Variants in FBXL17 observed in about 807,000 individuals in gnomAD.
FBXL17 encodes the protein F-box and leucine rich repeat protein 17, also known as F-box/LRR-repeat protein 17.
Under a neutral mutation model 66.2 loss-of-function variants are expected in FBXL17, and 22 were observed. The observed-to-expected ratio is 0.33, with a 90% CI of 0.24 to 0.47. The LOEUF (loss-of-function observed/expected upper bound fraction) is 0.47. Among genes scored for constraint, FBXL17 ranks in the 20% least tolerant of loss-of-function variants. The probability of loss-of-function intolerance (pLI) is 1.00; values close to 1 mark genes in which losing one functional copy is unlikely to be tolerated. For synonymous variants in FBXL17, 474 were observed against 400.5 expected (o/e 1.18, Z -2.19); for missense variants, 878 against 948.2 (o/e 0.93, Z 0.97).
At chr5:108,135,771 T>C (rs1162590815) in intron 6 of FBXL17, among the ~76,000 whole-genome samples, 1 of 152,150 alleles carries the variant, frequency 6.6e-6, no homozygotes, top group African/African-American at 2.4e-5. Flanking sequence ...AAGATGGTTA[T>C]TTCCTCTCCA....
chr5:108,029,066 G>A (rs1580348114), intron 6 of FBXL17, among the ~76,000 whole-genome samples: 1 of 152,124 alleles, frequency 6.6e-6, no homozygotes, highest in East Asian at 1.9e-4. Context: ...TCATAACCAG[G>A]AAGCCTGCAC....
chr5:108,342,616 TAGAGA>T (rs929383544), intron 4 of FBXL17, among the ~76,000 whole-genome samples: 5 of 152,160 alleles, frequency 3.3e-5, no homozygotes, highest in African/African-American at 9.7e-5. Flanking sequence ...TCCAAAGGGC[TAGAGA>T]AGAGAAGTTT....
chr5:108,368,570 C>T (rs1445947849), intron 1 of FBXL17, among the ~76,000 whole-genome samples: 1 of 151,464 alleles, frequency 6.6e-6, no homozygotes, highest in African/African-American at 2.4e-5. Flanking sequence ...TGAAAAACAA[C>T]AAAAAAAGAA....
At chr5:107,976,172 T>C (rs191287109) in intron 7 of FBXL17, among the ~76,000 whole-genome samples, 359 of 152,306 alleles carry the variant, frequency 2.4e-3, no homozygotes, top group Middle Eastern at 6.8e-3. Flanking sequence ...GTCTGTCTTA[T>C]GTCTACTGGT....
intron 4 of FBXL17, among the ~76,000 whole-genome samples, chr5:108,253,199 AG>A (rs1756434475): frequency 6.6e-6 from 1 of 152,198 alleles, no homozygotes; most frequent in African/African-American, 2.4e-5. Flanking sequence ...CTTGTAAGAC[AG>A]GTTCCATGAA....
chr5:107,898,160 T>C (rs971639801), intron 7 of FBXL17, among the ~76,000 whole-genome samples: 1 of 152,176 alleles, frequency 6.6e-6, no homozygotes, highest in Non-Finnish European at 1.5e-5. Context: ...TTGGACTTTT[T>C]TTTCTTTTTT....
chr5:108,144,444 G>A (rs1178553202), intron 6 of FBXL17, among the ~76,000 whole-genome samples: 1 of 152,078 alleles, frequency 6.6e-6, no homozygotes, highest in Admixed American at 6.6e-5. Flanking sequence ...ATTTCCCACA[G>A]CTAAAAATAT....
Position 108,068,989 on chromosome 5 carries a change from T to A in FBXL17, c.1746-47988A>T, listed in dbSNP as rs115715498. 6.6e-3 allele frequency among the ~76,000 whole-genome samples: 1,012 copies of A among 152,316 alleles called. 11 individuals carry two copies. Among genetic ancestry groups the A allele is most frequent in the African/African-American group, 0.023 (959 of 41,560 alleles). On this transcript the variant is annotated intron_variant, in intron 6 of 8. Coordinates refer to ENST00000542267, the MANE Select transcript of FBXL17 (RefSeq NM_001163315.3). ...GATGTAAGAAAACATTTAGAGAACATCTTATTTGGCTGGAAACAAGATCAT... is the reference window on the plus strand; with the variant it reads ...GATGTAAGAAAACATTTAGAGAACAACTTATTTGGCTGGAAACAAGATCAT...
intron 3 of FBXL17, among the ~76,000 whole-genome samples, chr5:108,350,582 G>T (rs1747579443): frequency 6.6e-6 from 1 of 152,178 alleles, no homozygotes; most frequent in African/African-American, 2.4e-5. Flanking sequence ...GGAGTTTAAA[G>T]AGATTCTACA....
intron 7 of FBXL17, among the ~76,000 whole-genome samples, chr5:107,993,120 C>A (rs1256781788): frequency 6.6e-6 from 1 of 152,182 alleles, no homozygotes; most frequent in Non-Finnish European, 1.5e-5. Context: ...TGGTCTCGAT[C>A]TCCTGACCTC....
At chr5:107,979,596 G>A (rs139561126) in intron 7 of FBXL17, among the ~76,000 whole-genome samples, 47 of 152,276 alleles carry the variant, frequency 3.1e-4, no homozygotes, top group Non-Finnish European at 5.9e-4. Flanking sequence ...TGTGACTTCC[G>A]GCGCTGGTTC....
chr5:107,879,855 C>A (rs1386339248), intron 8 of FBXL17: 14 of 985,326 alleles, frequency 1.4e-5, no homozygotes, highest in Non-Finnish European at 1.7e-5. Context: ...TGGCCACAGA[C>A]TGCCCCCTGG....
intron 7 of FBXL17, among the ~76,000 whole-genome samples, chr5:107,910,211 G>A (rs1466872177): frequency 6.6e-6 from 1 of 152,028 alleles, no homozygotes; most frequent in South Asian, 2.1e-4. Context: ...AGGAAGAAAA[G>A]AAATAATACA....
chr5:108,183,382 G>A (rs1753089381), intron 6 of FBXL17, among the ~76,000 whole-genome samples: 1 of 151,966 alleles, frequency 6.6e-6, no homozygotes, highest in East Asian at 1.9e-4. Flanking sequence ...GAAATTTACT[G>A]TAATATATTA....
At chr5:108,345,962 G>C (rs1747252642) in intron 4 of FBXL17, among the ~76,000 whole-genome samples, 1 of 152,098 alleles carries the variant, frequency 6.6e-6, no homozygotes, top group South Asian at 2.1e-4. Context: ...CTGATTATCA[G>C]TATTTGTCAA....
chr5:108,016,457 CTA>C (rs1754390351), intron 7 of FBXL17, among the ~76,000 whole-genome samples: 1 of 152,112 alleles, frequency 6.6e-6, no homozygotes, highest in Admixed American at 6.5e-5. Context: ...AAAAATATCT[CTA>C]GAGTGTATTT....
chr5:108,317,686 A>G (rs73781323), intron 4 of FBXL17, among the ~76,000 whole-genome samples: 7,542 of 151,488 alleles, frequency 0.05, 628 homozygotes, highest in African/African-American at 0.17. Flanking sequence ...TTCATGAAAA[A>G]GTTATACCAA....
intron 7 of FBXL17, among the ~76,000 whole-genome samples, chr5:107,915,808 G>C (rs867602467): frequency 3.9e-5 from 6 of 152,116 alleles, no homozygotes; most frequent in Non-Finnish European, 7.4e-5. Flanking sequence ...ACATTTCATC[G>C]TTATTGCTAG....
chr5:108,304,228 T>C (rs1157697095), intron 4 of FBXL17, among the ~76,000 whole-genome samples: 6 of 152,026 alleles, frequency 3.9e-5, no homozygotes, highest in Non-Finnish European at 8.8e-5. Context: ...CGTATAATTC[T>C]TTAAATCTGC....
Sources: gnomAD v4.1 joint callset for allele counts (sites outside exome capture counted in the v4.1 genomes callset) on GRCh38, gnomAD v4.1.1 for gene constraint, MANE v1.5 for transcripts, NCBI Gene and HGNC (gene_info 2026-07-23, HGNC 2026-07-21) for gene names.